PDE3A: variants seen among roughly 807,000 people sequenced by gnomAD.
PDE3A encodes cGMP-inhibited 3',5'-cyclic phosphodiesterase 3A.
In PDE3A, 43 loss-of-function variants were observed where a neutral mutation model predicts 98.3. The ratio of observed to expected loss-of-function variants is 0.44; its 90% CI spans 0.34 to 0.56. The LOEUF is 0.56. Ranked by LOEUF, PDE3A falls within the 20% of genes least tolerant of loss-of-function variation. PDE3A has a pLI of 0.01. For synonymous variants in PDE3A, 663 were observed against 567.9 expected (o/e 1.17, Z -2.38); for missense variants, 1,427 against 1,440.7 (o/e 0.99, Z 0.15).
rs189668439 is a variant in PDE3A at position 20,503,655 on chromosome 12, T to A, written c.961-53005T>A. Among the ~76,000 whole-genome samples the A allele has an allele frequency of 1.2e-3, 176 of 152,204 alleles. 2 individuals carry two copies. The highest frequency in any genetic ancestry group is 4.0e-4 in the Non-Finnish European group (27 of 67,960). ...AGAGTCAGACGTAATAATATTATTT[T>A]AAAAAAGTTGTCCAGATGCATGTTA... On this transcript the variant is annotated intron_variant, in intron 1 of 15. Coordinates refer to ENST00000359062, the MANE Select transcript of PDE3A (RefSeq NM_000921.5).
intron 1 of PDE3A, among the ~76,000 whole-genome samples, chr12:20,504,897 G>C (rs1946086937): frequency 6.6e-6 from 1 of 151,966 alleles, no homozygotes; most frequent in Admixed American, 6.6e-5. Flanking sequence ...CTTTTGCCAT[G>C]TACGATAACT....
intron 1 of PDE3A, among the ~76,000 whole-genome samples, chr12:20,438,579 G>A (rs1246053077): frequency 1.3e-5 from 2 of 152,170 alleles, no homozygotes; most frequent in East Asian, 1.9e-4. Context: ...AAATGTTGGA[G>A]TGATTTAGCT....
intron 1 of PDE3A, among the ~76,000 whole-genome samples, chr12:20,436,922 T>C (rs1489000337): frequency 6.6e-6 from 1 of 152,208 alleles, no homozygotes; most frequent in Non-Finnish European, 1.5e-5. Flanking sequence ...CCTTAGAACA[T>C]TGCTTTTCTT....
At chr12:20,408,087 A>C (rs1944266608) in intron 1 of PDE3A, among the ~76,000 whole-genome samples, 1 of 151,810 alleles carries the variant, frequency 6.6e-6, no homozygotes, top group African/African-American at 2.4e-5. Flanking sequence ...CGCCCAGCTA[A>C]TTTTTGTATT....
At chr12:20,584,843 G>T (rs982439284) in intron 2 of PDE3A, among the ~76,000 whole-genome samples, 1 of 152,082 alleles carries the variant, frequency 6.6e-6, no homozygotes, top group Non-Finnish European at 1.5e-5. Context: ...TCCCCTTAAA[G>T]CAAGCTACCT....
intron 1 of PDE3A, among the ~76,000 whole-genome samples, chr12:20,550,392 A>G (rs1406000026): frequency 1.3e-5 from 2 of 152,142 alleles, no homozygotes; most frequent in Non-Finnish European, 2.9e-5. Context: ...TTTTAATGTA[A>G]GGTATTGTCA....
intron 2 of PDE3A, among the ~76,000 whole-genome samples, chr12:20,559,603 G>A (rs1031647743): frequency 1.3e-5 from 2 of 151,624 alleles, no homozygotes; most frequent in Admixed American, 6.6e-5. Context: ...CCCTGGAGGC[G>A]GAGGTTGCAG....
intron 4 of PDE3A, among the ~76,000 whole-genome samples, chr12:20,617,173 T>A (rs994154871): frequency 6.6e-6 from 1 of 152,170 alleles, no homozygotes; most frequent in Non-Finnish European, 1.5e-5. Context: ...CACATCTATG[T>A]CGTATTATAT....
intron 1 of PDE3A, among the ~76,000 whole-genome samples, chr12:20,418,334 G>A (rs543019153): frequency 6.6e-6 from 1 of 152,248 alleles, no homozygotes; most frequent in African/African-American, 2.4e-5. Context: ...ATAAAGGAAG[G>A]CTGTCCTTGT....
intron 2 of PDE3A, among the ~76,000 whole-genome samples, chr12:20,559,528 C>T (rs1483091726): frequency 2.7e-5 from 4 of 150,710 alleles, no homozygotes; most frequent in Non-Finnish European, 4.4e-5. Context: ...AATAATAAGC[C>T]AGGCATGATG....
At chr12:20,507,060 G>T (rs774592970) in intron 1 of PDE3A, among the ~76,000 whole-genome samples, 2 of 151,880 alleles carry the variant, frequency 1.3e-5, no homozygotes, top group East Asian at 1.9e-4. Flanking sequence ...TCACATAAAG[G>T]GTATTTATTA....
rs1423141331 is a variant in PDE3A at position 20,500,570 on chromosome 12, TC to T, written c.961-56089del. Among the ~76,000 whole-genome samples the T allele has an allele frequency of 3.3e-5, 5 of 152,242 alleles. No individual in the cohort carries two copies. In the East Asian group the frequency reaches 7.7e-4, roughly 24 times the overall value. The stretch of plus-strand genomic sequence containing the variant: ...ATCCTTTAAAATGTTTTCTTTTCTT[TC>T]TTCAGGATTTTTTTTCTATGTTTGT... On this transcript the variant is annotated intron_variant, in intron 1 of 15. Transcript: ENST00000359062.
intron 1 of PDE3A, among the ~76,000 whole-genome samples, chr12:20,438,108 C>G (rs1411056447): frequency 6.6e-6 from 1 of 151,936 alleles, no homozygotes; most frequent in Non-Finnish European, 1.5e-5. Flanking sequence ...GATTCTCTCT[C>G]GAGAAGTCTT....
At chr12:20,533,119 G>A (rs779635845) in intron 1 of PDE3A, among the ~76,000 whole-genome samples, 13 of 152,042 alleles carry the variant, frequency 8.6e-5, no homozygotes, top group Non-Finnish European at 1.9e-4. Context: ...TGACATTTTA[G>A]CATTTATGTA....
chr12:20,414,033 A>G (rs1342754867), intron 1 of PDE3A, among the ~76,000 whole-genome samples: 1 of 152,236 alleles, frequency 6.6e-6, no homozygotes, highest in African/African-American at 2.4e-5. Flanking sequence ...GTGATGATAG[A>G]TAACAGAATG....
At chr12:20,665,545 C>G (rs1165474390) in intron 15 of PDE3A, among the ~76,000 whole-genome samples, 2 of 151,908 alleles carry the variant, frequency 1.3e-5, no homozygotes, top group Non-Finnish European at 2.9e-5. Flanking sequence ...ACCCTATGGT[C>G]TAGAAGAGAA....
intron 1 of PDE3A, among the ~76,000 whole-genome samples, chr12:20,402,904 T>C (rs912677702): frequency 1.3e-5 from 2 of 152,048 alleles, no homozygotes; most frequent in African/African-American, 4.8e-5. Context: ...CCAGTAAAGA[T>C]TATATTTAAA....
intron 1 of PDE3A, among the ~76,000 whole-genome samples, chr12:20,506,523 A>G (rs1259338269): frequency 2.0e-5 from 3 of 152,082 alleles, no homozygotes; most frequent in Non-Finnish European, 4.4e-5. Context: ...TTGTCATAAC[A>G]TGTAGATTAG....
chr12:20,414,480 T>C lies in PDE3A; in HGVS notation c.960+44236T>C, dbSNP rs75672786. 4.3e-3 allele frequency among the ~76,000 whole-genome samples: 648 copies of C among 152,308 alleles called. 31 individuals carry two copies. The East Asian group carries it at 0.1, about 24-fold the overall frequency. ...AAGTCTCCTAAGTCTATGTTTCTTGTGTAGGTTTTGAAAAATACAATTCAG... is the reference window on the plus strand; with the variant it reads ...AAGTCTCCTAAGTCTATGTTTCTTGCGTAGGTTTTGAAAAATACAATTCAG... On this transcript the variant is annotated intron_variant, in intron 1 of 15. Transcript: ENST00000359062.
Sources: allele counts gnomAD v4.1 joint callset (sites outside exome capture counted in the v4.1 genomes callset), GRCh38; gene constraint gnomAD v4.1.1; transcripts MANE v1.5; gene names NCBI Gene and HGNC (gene_info 2026-07-23, HGNC 2026-07-21).